KCP: variants seen among roughly 807,000 people sequenced by gnomAD.
KCP encodes kielin/chordin-like protein.
A neutral mutation model predicts 212.7 loss-of-function variants in KCP; 194 were observed. That is an observed-to-expected ratio of 0.91 (90% CI 0.81 to 1.03). The LOEUF is 1.03. Ranked by LOEUF, KCP falls within the 50% of genes least tolerant of loss-of-function variation. The probability of loss-of-function intolerance (pLI) is 0.00; values close to 1 mark genes in which losing one functional copy is unlikely to be tolerated. For missense variants in KCP, 2,080 were observed against 2,162.5 expected (o/e 0.96, Z 0.76); for synonymous variants, 833 against 865.3 (o/e 0.96, Z 0.65).
intron 26 of KCP, among the ~76,000 whole-genome samples, 167 bp downstream of exon 26, chr7:128,886,297 G>A (rs1223720542): frequency 3.3e-5 from 5 of 152,236 alleles, no homozygotes; most frequent in South Asian, 2.1e-4. Flanking sequence ...GGGCAGTCCC[G>A]GACAGGGAGA....
rs921276618 is a variant in KCP at position 128,877,851 on chromosome 7, T to C, written c.4312-61A>G. 2.1e-6 allele frequency: 3 copies of C among 1,443,964 alleles called. No individual in the cohort carries two copies. In the African/African-American group the frequency reaches 4.2e-5, roughly 20 times the overall value. 89.4% of individuals were successfully genotyped at this position (1,443,964 alleles called of 1,614,324 possible). On this transcript the variant is annotated intron_variant, in intron 38 of 39. Coordinates refer to ENST00000610776, the MANE Select transcript of KCP (RefSeq NM_001366122.1). ...ACTGGCAGCTGGCCTCTGCATGCCG[T>C]GCTCTTCAAAGCACTTCCCACCCAG...
rs1328648977 is a variant in KCP, at chr7:128,886,897, AG to A, written c.2667del (p.Cys890AlafsTer195). The A allele has an allele frequency of 5.0e-6, 7 of 1,391,028 alleles. No homozygotes were observed. The African/African-American group carries it at 9.0e-5, about 18-fold the overall frequency. The allele number at this position is 1,391,028 out of a possible 1,614,324, so 86.2% of individuals were successfully genotyped here. A position where few individuals can be genotyped will look rare whatever the true frequency, so the allele number is the denominator to read the frequency against. On this transcript the variant is annotated frameshift_variant, in exon 24 of 40. Transcript: ENST00000610776. LOFTEE classifies it high-confidence loss of function. ...PALCPHPSPG[P>X]CFCPVCHSCL... ...TCACTGTGGCAAACAGGGCAGAAGC[AG>A]GGGCCTGGAGAGGGGTGGGGGCAGA...
intron 26 of KCP, 72 bp downstream of exon 26, chr7:128,886,392 G>A: frequency 7.9e-7 from 1 of 1,273,518 alleles, no homozygotes; most frequent in Non-Finnish European, 1.1e-6. Context: ...GCTGAGGGGA[G>A]GGAGGTGGGG....
chr7:128,886,643 C>G lies in KCP; in HGVS notation c.2772+12G>C. On this transcript the variant is annotated intron_variant, in intron 25 of 39. Transcript: ENST00000610776. ...CCAGCTGTCACTCCACACCCCCCAC[C>G]TCCTGCTATACCTGACAGCGACACC... is the stretch of plus-strand genomic sequence containing the variant. The G allele has an allele frequency of 2.6e-6, 4 of 1,551,434 alleles. No individual in the cohort carries two copies. In the South Asian group the frequency reaches 4.8e-5, roughly 18 times the overall value.
Position 128,890,922 on chromosome 7 carries a change from C to T in KCP, c.2147G>A (p.Cys716Tyr). Residue 716 changes from cysteine (C) to tyrosine (Y), a missense_variant, in exon 20 of 40, where the codon TGC becomes TAC. Physicochemically the swap from Cys to Tyr is radical, Grantham distance 194 (BLOSUM62 -2). Transcript: ENST00000610776. ...APCAHPRQGPCCPSCDGCLYQ... is the reference protein window; with the variant it reads ...APCAHPRQGPYCPSCDGCLYQ... Reference sequence around the variant, plus strand: ...GGCGTTACCGTCGCAGGAGGGGCAGCAAGGCCCCTGGCGCGGGTGCGCGCA... The same window carrying T: ...GGCGTTACCGTCGCAGGAGGGGCAGTAAGGCCCCTGGCGCGGGTGCGCGCA... 1 of 1,245,918 alleles carries T rather than the reference C, an allele frequency of 8.0e-7. No homozygotes were observed. The highest frequency in any genetic ancestry group is 1.0e-6 in the Non-Finnish European group (1 of 999,966). The allele number at this position is 1,245,918 out of a possible 1,614,324, so 77.2% of individuals were successfully genotyped here.
intron 2 of KCP, 86 bp from the exon 3 acceptor site, chr7:128,907,539 G>C: frequency 1.0e-6 from 1 of 984,004 alleles, no homozygotes; most frequent in East Asian, 3.0e-5. Context: ...AATGAGGCAG[G>C]ATGAGAAAGA....
At chr7:128,883,925 G>T in intron 29 of KCP, 77 bp downstream of exon 29, 2 of 1,472,118 alleles carry the variant, frequency 1.4e-6, no homozygotes, top group Non-Finnish European at 1.8e-6. Flanking sequence ...ATCTGGGGCT[G>T]GGACTGGTGA....
chr7:128,910,059 C>T (rs1412113379), intron 1 of KCP, among the ~76,000 whole-genome samples: 1 of 152,194 alleles, frequency 6.6e-6, no homozygotes, highest in African/African-American at 2.4e-5. Context: ...GATATGGGAG[C>T]CCGGGAGAAG....
At chr7:128,907,680 A>C (rs924981127) in intron 2 of KCP, among the ~76,000 whole-genome samples, 9 of 152,244 alleles carry the variant, frequency 5.9e-5, no homozygotes, top group African/African-American at 2.2e-4. Flanking sequence ...TTGCCCCAAG[A>C]ATTAAAGACA....
chr7:128,891,353 C>T, intron 18 of KCP, 75 bp from the exon 19 acceptor site: 1 of 1,546,812 alleles, frequency 6.5e-7, no homozygotes, highest in South Asian at 1.2e-5. Context: ...CACCCAGTGC[C>T]ACCAGGTCCC....
At chr7:128,910,179 G>A (rs548079243) in intron 1 of KCP, among the ~76,000 whole-genome samples, 2 of 152,162 alleles carry the variant, frequency 1.3e-5, no homozygotes, top group African/African-American at 4.8e-5. Context: ...GAATTGTCCC[G>A]GGTTCCCCTC....
Position 128,909,113 on chromosome 7 carries a change from A to G in KCP, c.77-545T>C, listed in dbSNP as rs141337476. Among the ~76,000 whole-genome samples the G allele has an allele frequency of 3.0e-3, 459 of 152,310 alleles. 2 individuals are homozygous for G. Among genetic ancestry groups the G allele is most frequent in the African/African-American group, 0.011 (445 of 41,560 alleles). ...GCTTCTAGAAGACACTATGTCCAGG[A>G]AAGAGGGACGGGGCACCTCTGAGCT... On this transcript the variant is annotated intron_variant, in intron 1 of 39. Transcript: ENST00000610776.
At chr7:128,904,547 G>A (rs1414314712) in intron 5 of KCP, among the ~76,000 whole-genome samples, 1 of 152,262 alleles carries the variant, frequency 6.6e-6, no homozygotes, top group Non-Finnish European at 1.5e-5. Context: ...GGCAGTGGCA[G>A]TAGCAGCCCT....
intron 5 of KCP, chr7:128,904,376 C>G: frequency 6.4e-7 from 1 of 1,551,054 alleles, no homozygotes; most frequent in Non-Finnish European, 8.7e-7. Flanking sequence ...CTGCACGGCT[C>G]CTGTCTGCAG....
At chr7:128,882,077 G>C (rs1793368002) in intron 29 of KCP, 61 bp from the exon 30 acceptor site, 1 of 1,318,564 alleles carries the variant, frequency 7.6e-7, no homozygotes, top group Non-Finnish European at 1.1e-6. Context: ...GGAAATCCCA[G>C]CTGTCCCCAT....
chr7:128,893,849 T>A lies in KCP; in HGVS notation c.1056A>T (p.Arg352Ser). Residue 352 changes from arginine to serine, a missense_variant, in exon 11 of 40, where the codon AGA becomes AGT. Coordinates refer to ENST00000610776, the MANE Select transcript of KCP (RefSeq NM_001366122.1). The stretch of plus-strand genomic sequence containing the variant: ...ACTGCCCAGGGATCTTGCCTGGGTG[T>A]CTGCAGGGCACTGGCGGGCAGGGCA... Reference protein sequence around the residue: ...EPLPCPPVPCRHPGKIPGQCC... With the variant: ...EPLPCPPVPCSHPGKIPGQCC... 1 of 1,551,258 alleles carries A rather than the reference T, an allele frequency of 6.4e-7. No individual in the cohort carries two copies. The highest frequency in any genetic ancestry group is 8.7e-7 in the Non-Finnish European group (1 of 1,146,964).
At chr7:128,885,003 T>C (rs1257317738) in intron 27 of KCP, 94 bp downstream of exon 27, 2 of 1,521,086 alleles carry the variant, frequency 1.3e-6, no homozygotes, top group African/African-American at 1.4e-5. Context: ...CTTCTCCAAC[T>C]GCCTGTCTCT....
At chr7:128,879,356 G>T in intron 37 of KCP, 166 bp downstream of exon 37, 1 of 605,104 alleles carries the variant, frequency 1.7e-6, no homozygotes, top group East Asian at 2.8e-5. Flanking sequence ...ACTGCCTGGG[G>T]AGATCTCTGA....
In KCP at chr7:128,910,603, TCCGCGC is replaced by T. The variant is rs1049698456; in HGVS notation, c.68_73del (p.Gly23_Ala24del). On this transcript the variant is annotated inframe_deletion, in exon 1 of 40. Coordinates refer to ENST00000610776, the MANE Select transcript of KCP (RefSeq NM_001366122.1). ...AAGCCTCCCGCACCTGGACTCACCT[TCCGCGC>T]CCGCGGCCAGCGCCAGGGCCCCGAG... 2.4e-5 allele frequency: 37 copies of T among 1,515,234 alleles called. No homozygotes were observed. In the Admixed American group the frequency reaches 5.9e-4, roughly 24 times the overall value. The allele number at this position is 1,515,234 out of a possible 1,614,324, so 93.9% of individuals were successfully genotyped here. A position where few individuals can be genotyped will look rare whatever the true frequency, so the allele number is the denominator to read the frequency against.
Sources: allele counts gnomAD v4.1 joint callset (sites outside exome capture counted in the v4.1 genomes callset), GRCh38; gene constraint gnomAD v4.1.1; transcripts MANE v1.5; gene names NCBI Gene and HGNC (gene_info 2026-07-23, HGNC 2026-07-21).